DPP10: variants seen among roughly 807,000 people sequenced by gnomAD.
DPP10 encodes the protein inactive dipeptidyl peptidase 10.
DPP10 carries 33 observed loss-of-function variants against 120.9 expected under a neutral mutation model. That is an observed-to-expected ratio of 0.27 (90% CI 0.21 to 0.37). DPP10 has a LOEUF of 0.37. Among genes scored for constraint, DPP10 ranks in the 10% least tolerant of loss-of-function variants. The probability of loss-of-function intolerance (pLI) is 1.00; values close to 1 mark genes in which losing one functional copy is unlikely to be tolerated. For missense variants in DPP10, 816 were observed against 942.8 expected (o/e 0.87, Z 1.76); for synonymous variants, 337 against 326.1 (o/e 1.03, Z -0.36).
At chr2:114,861,001 C>T (rs1036314371) in intron 1 of DPP10, among the ~76,000 whole-genome samples, 7 of 152,156 alleles carry the variant, frequency 4.6e-5, no homozygotes, top group African/African-American at 1.7e-4. Context: ...ACATGAGGAG[C>T]TAGCCGTTAA....
chr2:115,377,503 G>C (rs1394632327), intron 3 of DPP10, among the ~76,000 whole-genome samples: 1 of 152,060 alleles, frequency 6.6e-6, no homozygotes, highest in African/African-American at 2.4e-5. Context: ...TCTGTAGGTT[G>C]CCTGTTCACT....
chr2:115,498,771 C>T (rs968272530), intron 3 of DPP10, among the ~76,000 whole-genome samples: 24 of 149,996 alleles, frequency 1.6e-4, no homozygotes, highest in South Asian at 2.1e-4. Context: ...AGTTTTACCT[C>T]GTTAGTAATT....
chr2:115,807,721 G>A (rs1484255532), intron 19 of DPP10, among the ~76,000 whole-genome samples: 1 of 151,570 alleles, frequency 6.6e-6, no homozygotes, highest in Non-Finnish European at 1.5e-5. Flanking sequence ...CAAGTAGGAG[G>A]AAGGCTAGGG....
intron 1 of DPP10, among the ~76,000 whole-genome samples, chr2:114,710,470 C>A (rs188729103): frequency 2.1e-4 from 32 of 152,324 alleles, no homozygotes; most frequent in Admixed American, 2.0e-3. Context: ...ACAGGCCGGG[C>A]ATAGTGGCTC....
intron 1 of DPP10, among the ~76,000 whole-genome samples, chr2:114,762,546 A>G (rs1257219145): frequency 6.6e-6 from 1 of 152,236 alleles, no homozygotes; most frequent in Non-Finnish European, 1.5e-5. Flanking sequence ...CATGGAATAT[A>G]AAAGGAAGCA....
At chr2:115,803,659 T>C (rs960889441) in intron 19 of DPP10, among the ~76,000 whole-genome samples, 1 of 152,182 alleles carries the variant, frequency 6.6e-6, no homozygotes, top group Non-Finnish European at 1.5e-5. Flanking sequence ...TTTGCTTGTC[T>C]GTAAAGTGTT....
chr2:114,481,868 G>GGA (rs751648693), intron 1 of DPP10, among the ~76,000 whole-genome samples: 73 of 148,938 alleles, frequency 4.9e-4, no homozygotes, highest in East Asian at 4.5e-3. Context: ...TTCTTCACAA[G>GGA]GAGAGAGAGA....
chr2:115,594,765 C>T (rs920454287), intron 5 of DPP10, among the ~76,000 whole-genome samples: 3 of 152,092 alleles, frequency 2.0e-5, no homozygotes, highest in African/African-American at 7.2e-5. Flanking sequence ...TGACAAAAGT[C>T]TTAGCACAGC....
chr2:115,569,834 G>T (rs1047440087), intron 5 of DPP10, among the ~76,000 whole-genome samples: 2 of 152,076 alleles, frequency 1.3e-5, no homozygotes, highest in East Asian at 1.9e-4. Context: ...CTTTATTATT[G>T]TTAAGAATTA....
At chr2:115,017,673 A>G (rs1218693085) in intron 1 of DPP10, among the ~76,000 whole-genome samples, 2 of 10,646 alleles carry the variant, frequency 1.9e-4, no homozygotes, top group Non-Finnish European at 4.9e-3. Context: ...CTATGCAGCC[A>G]TAAAAAAATG....
At chr2:115,013,425 C>T (rs1283121026) in intron 1 of DPP10, among the ~76,000 whole-genome samples, 1 of 152,042 alleles carries the variant, frequency 6.6e-6, no homozygotes, top group African/African-American at 2.4e-5. Flanking sequence ...TTGCCCGTAA[C>T]ATTTTTTCCT....
intron 3 of DPP10, among the ~76,000 whole-genome samples, chr2:115,357,075 G>A (rs1164107409): frequency 6.6e-6 from 1 of 152,070 alleles, no homozygotes; most frequent in Non-Finnish European, 1.5e-5. Flanking sequence ...TTATGTTCAT[G>A]TGTACTCAAT....
At chr2:115,705,102 C>A (rs2092048121) in intron 7 of DPP10, among the ~76,000 whole-genome samples, 1 of 151,900 alleles carries the variant, frequency 6.6e-6, no homozygotes, top group South Asian at 2.1e-4. Flanking sequence ...ATTAAAACCT[C>A]AAATTATGAG....
At chr2:114,984,438 G>T (rs1215334290) in intron 1 of DPP10, among the ~76,000 whole-genome samples, 1 of 149,676 alleles carries the variant, frequency 6.7e-6, no homozygotes, top group Non-Finnish European at 1.5e-5. Flanking sequence ...GAATAAAAAA[G>T]GAAAAAAAAA....
intron 1 of DPP10, among the ~76,000 whole-genome samples, chr2:114,602,700 G>A (rs1249881057): frequency 6.6e-6 from 1 of 152,034 alleles, no homozygotes; most frequent in Non-Finnish European, 1.5e-5. Flanking sequence ...ATAAGGGAGA[G>A]TGTATTCTTC....
intron 1 of DPP10, among the ~76,000 whole-genome samples, chr2:115,152,713 G>A (rs2051639796): frequency 6.6e-6 from 1 of 152,118 alleles, no homozygotes; most frequent in South Asian, 2.1e-4. Flanking sequence ...ATGGGGTCCT[G>A]TTTTGGAAAG....
intron 1 of DPP10, among the ~76,000 whole-genome samples, chr2:114,519,243 A>G (rs925148418): frequency 6.6e-6 from 1 of 152,100 alleles, no homozygotes; most frequent in African/African-American, 2.4e-5. Context: ...AAATAGAGAA[A>G]CTTTGCCAGC....
intron 1 of DPP10, among the ~76,000 whole-genome samples, chr2:114,973,644 GGAGT>G (rs1699544772): frequency 8.9e-6 from 1 of 111,900 alleles, no homozygotes; most frequent in Non-Finnish European, 1.7e-5. Flanking sequence ...CCTGGGCAAC[GGAGT>G]GAGACTCCGT....
rs563544730 is a variant in DPP10 at position 114,715,394 on chromosome 2, C to T, written c.60+272556C>T. On this transcript the variant is annotated intron_variant, in intron 1 of 25. Transcript: ENST00000410059. Reference sequence around the variant, plus strand: ...AGAGGTTCAAATAAGCAAGGATCATCCTCCATGGTTGAAAATGAAAAAAAA... The same window carrying T: ...AGAGGTTCAAATAAGCAAGGATCATTCTCCATGGTTGAAAATGAAAAAAAA... Among the ~76,000 whole-genome samples, 64 of 152,082 alleles carry T rather than the reference C, an allele frequency of 4.2e-4. No homozygotes were observed. The South Asian group carries it at 0.013, about 31-fold the overall frequency.
Sources: gnomAD v4.1 joint callset for allele counts (sites outside exome capture counted in the v4.1 genomes callset) on GRCh38, gnomAD v4.1.1 for gene constraint, MANE v1.5 for transcripts, NCBI Gene and HGNC (gene_info 2026-07-23, HGNC 2026-07-21) for gene names.